The following UBR3 variants were observed in gnomAD, a reference collection of about 807,000 sequenced individuals.
UBR3 encodes the protein ubiquitin protein ligase E3 component n-recognin 3, also known as E3 ubiquitin-protein ligase UBR3.
UBR3 carries 85 observed loss-of-function variants against 243.2 expected under a neutral mutation model. That is an observed-to-expected ratio of 0.35 (90% CI 0.29 to 0.42). The LOEUF is 0.42. Among genes scored for constraint, UBR3 ranks in the 10% least tolerant of loss-of-function variants. The pLI is 1.00. For synonymous variants in UBR3, 748 were observed against 799.8 expected (o/e 0.94, Z 1.09); for missense variants, 1,686 against 2,300.8 (o/e 0.73, Z 5.47).
intron 11 of UBR3, among the ~76,000 whole-genome samples, chr2:169,922,257 C>A (rs1369486257): frequency 1.3e-5 from 2 of 149,790 alleles, no homozygotes; most frequent in African/African-American, 4.9e-5. Flanking sequence ...CCATACTCCA[C>A]CCTGGGCCAC....
chr2:170,002,445 T>C (rs1183218743), intron 27 of UBR3, among the ~76,000 whole-genome samples: 1 of 152,234 alleles, frequency 6.6e-6, no homozygotes, highest in Non-Finnish European at 1.5e-5. Context: ...CATTTCCTCT[T>C]AACAGATTCT....
intron 1 of UBR3, among the ~76,000 whole-genome samples, chr2:169,849,053 C>T (rs1448915094): frequency 1.3e-5 from 2 of 152,290 alleles, no homozygotes; most frequent in East Asian, 3.9e-4. Flanking sequence ...TTTATACTCA[C>T]CAGACTATGG....
chr2:169,867,496 C>A, intron 1 of UBR3, among the ~76,000 whole-genome samples: 1 of 152,202 alleles, frequency 6.6e-6, no homozygotes, highest in Non-Finnish European at 1.5e-5. Context: ...AACATCTTTG[C>A]AAGCATATTT....
At chr2:169,850,831 G>C (rs1326796200) in intron 1 of UBR3, among the ~76,000 whole-genome samples, 1 of 150,518 alleles carries the variant, frequency 6.6e-6, no homozygotes, top group East Asian at 1.9e-4. Flanking sequence ...GCGACAGAGA[G>C]AGACTCAGTC....
At position 169,947,523 on chromosome 2, in the gene UBR3, AT is replaced by A. The variant is rs760916848; in HGVS notation, c.2911-8del. 0.038 allele frequency: 34,820 copies of A among 914,046 alleles called. No individual in the cohort carries two copies. Among genetic ancestry groups the A allele is most frequent in the South Asian group, 0.075 (3,390 of 45,222 alleles). The allele number at this position is 914,046 out of a possible 1,614,324, so 56.6% of individuals were successfully genotyped here. On this transcript the variant is annotated intron_variant, in intron 21 of 38. Transcript: ENST00000272793. ...CGTGATGTGGCAAGACTTGATATTCATTTTTTTTTTTATTTTAGGCATCAGT... is the reference window on the plus strand; with the variant it reads ...CGTGATGTGGCAAGACTTGATATTCATTTTTTTTTTATTTTAGGCATCAGT...
intron 5 of UBR3, among the ~76,000 whole-genome samples, chr2:169,883,982 G>A (rs1301373737): frequency 2.0e-5 from 3 of 151,872 alleles, no homozygotes; most frequent in Non-Finnish European, 2.9e-5. Flanking sequence ...ACAGGCGCGT[G>A]CCACCACACC....
intron 24 of UBR3, among the ~76,000 whole-genome samples, chr2:169,970,559 G>T (rs539775622): frequency 8.4e-6 from 1 of 119,566 alleles, no homozygotes. Flanking sequence ...CCACCTATGA[G>T]TGAGAATATG....
At chr2:169,953,735 T>G (rs1455039308) in intron 23 of UBR3, among the ~76,000 whole-genome samples, 1 of 152,232 alleles carries the variant, frequency 6.6e-6, no homozygotes, top group East Asian at 1.9e-4. Context: ...AATAGATTTT[T>G]AAAAAGTACA....
chr2:170,039,266 A>G (rs184925695), intron 31 of UBR3, among the ~76,000 whole-genome samples: 2 of 152,280 alleles, frequency 1.3e-5, no homozygotes, highest in Admixed American at 6.5e-5. Flanking sequence ...AGTCAAGTCA[A>G]GGGTCTGTAA....
At chr2:169,943,705 C>G (rs1405881453) in intron 20 of UBR3, among the ~76,000 whole-genome samples, 1 of 151,930 alleles carries the variant, frequency 6.6e-6, no homozygotes, top group Admixed American at 6.6e-5. Context: ...CAAAGAAAAC[C>G]TATTGTTCTT....
intron 5 of UBR3, among the ~76,000 whole-genome samples, chr2:169,887,963 A>T (rs2084170328): frequency 6.6e-6 from 1 of 150,542 alleles, no homozygotes; most frequent in Non-Finnish European, 1.5e-5. Context: ...TTTAGTAGAG[A>T]TGGGGTTTCT....
At chr2:170,075,140 GTTC>G (rs1280215578) in intron 36 of UBR3, among the ~76,000 whole-genome samples, 2 of 151,834 alleles carry the variant, frequency 1.3e-5, no homozygotes, top group Admixed American at 1.3e-4. Flanking sequence ...CTCTGCTTTT[GTTC>G]TTTTCCATTT....
At chr2:169,976,319 A>G (rs1461644210) in intron 24 of UBR3, among the ~76,000 whole-genome samples, 2 of 141,028 alleles carry the variant, frequency 1.4e-5, no homozygotes, top group African/African-American at 2.6e-5. Flanking sequence ...TTTTTTTTTT[A>G]TTTCTACTAT....
Position 169,970,843 on chromosome 2 carries a change from A to C in UBR3, c.3634+12317A>C, listed in dbSNP as rs995303796. On this transcript the variant is annotated intron_variant, in intron 24 of 38. Coordinates refer to ENST00000272793, the MANE Select transcript of UBR3 (RefSeq NM_172070.4). ...ATAGTCCTTTGGGTATATACCCAGT[A>C]ATGGGATGGCTGGGTCAAATGGTAT... 6.8e-5 allele frequency among the ~76,000 whole-genome samples: 10 copies of C among 147,912 alleles called. 1 individual carries two copies. Among genetic ancestry groups the C allele is most frequent in the African/African-American group, 2.3e-4 (9 of 39,928 alleles).
chr2:169,860,328 G>A (rs536870945), intron 1 of UBR3, among the ~76,000 whole-genome samples: 2 of 152,104 alleles, frequency 1.3e-5, no homozygotes, highest in Non-Finnish European at 2.9e-5. Flanking sequence ...TTGTTATGGA[G>A]TGCAGATAAG....
intron 1 of UBR3, among the ~76,000 whole-genome samples, chr2:169,856,712 A>G (rs1438868887): frequency 6.6e-6 from 1 of 152,080 alleles, no homozygotes; most frequent in East Asian, 1.9e-4. Context: ...CGCGCCTGCA[A>G]TCCCAGGCAC....
At chr2:169,962,572 C>T (rs1201791038) in intron 24 of UBR3, among the ~76,000 whole-genome samples, 3 of 152,082 alleles carry the variant, frequency 2.0e-5, no homozygotes, top group Non-Finnish European at 4.4e-5. Context: ...TTTTGGGACT[C>T]GTAATTGGAT....
chr2:169,836,785 GCTT>G (rs2082126526), intron 1 of UBR3, among the ~76,000 whole-genome samples: 1 of 151,776 alleles, frequency 6.6e-6, no homozygotes, highest in Admixed American at 6.6e-5. Flanking sequence ...GGCCATTTGG[GCTT>G]CTTTCTTGGT....
chr2:169,974,057 G>A (rs572412783), intron 24 of UBR3, among the ~76,000 whole-genome samples: 218 of 152,236 alleles, frequency 1.4e-3, no homozygotes, highest in Non-Finnish European at 2.7e-3. Context: ...TTTGATCATG[G>A]TGAGTGATCT....
Sources: gnomAD v4.1 joint callset for allele counts (sites outside exome capture counted in the v4.1 genomes callset) on GRCh38, gnomAD v4.1.1 for gene constraint, MANE v1.5 for transcripts, NCBI Gene and HGNC (gene_info 2026-07-23, HGNC 2026-07-21) for gene names.